Variants in ARMC8 observed in about 807,000 individuals in gnomAD.
The protein encoded by ARMC8 is armadillo repeat containing 8, also known as armadillo repeat-containing protein 8.
A neutral mutation model predicts 99.3 loss-of-function variants in ARMC8; 20 were observed. The observed-to-expected ratio is 0.20, with a 90% CI of 0.14 to 0.29. The LOEUF is 0.29. ARMC8 is among the 10% of genes least tolerant of loss of function. The pLI is 1.00. For synonymous variants in ARMC8, 263 were observed against 278.3 expected, an observed-to-expected ratio of 0.95 and a Z score of 0.55; for missense variants, 569 against 809.5, an observed-to-expected ratio of 0.70 and a Z score of 3.60.
At chr3:138,235,217 T>TTATC (rs2046266745) in intron 7 of ARMC8, 103 bp downstream of exon 7, 1 of 826,384 alleles carries the variant, frequency 1.2e-6, no homozygotes, top group African/African-American at 1.7e-5. Flanking sequence ...TGATCAAAAG[T>TTATC]AGTATTTTAT....
intron 19 of ARMC8, 128 bp from the exon 20 acceptor site, chr3:138,288,920 A>G: frequency 1.5e-6 from 1 of 685,998 alleles, no homozygotes; most frequent in South Asian, 1.9e-5. Flanking sequence ...TACAGGCATG[A>G]GCCACCTCAC....
chr3:138,284,369 G>A, intron 18 of ARMC8, 62 bp from the exon 19 acceptor site: 3 of 1,324,678 alleles, frequency 2.3e-6, no homozygotes, highest in South Asian at 1.2e-5. Flanking sequence ...CCAAGCTCTT[G>A]AGACAGCTTG....
intron 1 of ARMC8, chr3:138,188,269 C>T: frequency 5.4e-6 from 4 of 736,214 alleles, no homozygotes; most frequent in Non-Finnish European, 8.1e-6. Flanking sequence ...GCCTGGTATT[C>T]CGTTTTTCTT....
chr3:138,196,261 G>T (rs771302928), intron 1 of ARMC8, among the ~76,000 whole-genome samples: 2 of 152,074 alleles, frequency 1.3e-5, no homozygotes, highest in African/African-American at 4.8e-5. Context: ...CTTCTGAGAC[G>T]GTGAGAATTA....
intron 1 of ARMC8, among the ~76,000 whole-genome samples, chr3:138,194,744 G>A (rs1303074938): frequency 1.3e-5 from 2 of 150,910 alleles, no homozygotes; most frequent in Admixed American, 6.6e-5. Flanking sequence ...TAAGCATATT[G>A]TTGGCCTTGC....
At chr3:138,251,513 C>G (rs1576769528) in intron 12 of ARMC8, among the ~76,000 whole-genome samples, 2 of 152,170 alleles carry the variant, frequency 1.3e-5, no homozygotes, top group African/African-American at 4.8e-5. Context: ...TTTCATAATT[C>G]CTTGCCTCAA....
intron 20 of ARMC8, among the ~76,000 whole-genome samples, chr3:138,289,977 C>G (rs2050785065): frequency 6.6e-6 from 1 of 152,138 alleles, no homozygotes. Flanking sequence ...GCCCACAGAC[C>G]TAGATACCAC....
At chr3:138,292,133 G>C (rs866495506) in intron 21 of ARMC8, among the ~76,000 whole-genome samples, 3 of 152,146 alleles carry the variant, frequency 2.0e-5, no homozygotes, top group Admixed American at 2.0e-4. Flanking sequence ...TGCCTCCTGA[G>C]TTCAAGTGAT....
chr3:138,276,064 C>G (rs1257442768), intron 18 of ARMC8, among the ~76,000 whole-genome samples: 1 of 152,034 alleles, frequency 6.6e-6, no homozygotes, highest in Non-Finnish European at 1.5e-5. Flanking sequence ...AAAAGCGAAG[C>G]AAGACAGAAA....
chr3:138,200,904 CTTTTTTT>C (rs34087212), intron 1 of ARMC8, among the ~76,000 whole-genome samples: 14 of 63,348 alleles, frequency 2.2e-4, no homozygotes, highest in East Asian at 1.2e-3. Context: ...CTTCAGTGGG[CTTTTTTT>C]TTTTTTTTTT....
intron 5 of ARMC8, among the ~76,000 whole-genome samples, chr3:138,228,171 G>A (rs1576680236): frequency 6.6e-6 from 1 of 152,180 alleles, no homozygotes. Context: ...GTAGAGACGG[G>A]GTTTCGCCAT....
intron 12 of ARMC8, among the ~76,000 whole-genome samples, chr3:138,260,236 A>T (rs185825450): frequency 6.6e-6 from 1 of 152,076 alleles, no homozygotes. Context: ...GCCTCTCCTC[A>T]CCCGCCTTCT....
At position 138,275,422 on chromosome 3, in the gene ARMC8, G is replaced by A. The variant is rs1266906835; in HGVS notation, c.1725+878G>A. Among the ~76,000 whole-genome samples, 7 of 152,166 alleles carry A rather than the reference G, an allele frequency of 4.6e-5. No homozygotes were observed. In the South Asian group the frequency reaches 6.2e-4, roughly 14 times the overall value. ...AAAATACAAAAAATTAGCCAGGCGC[G>A]GTGGCGGGTGCCTGTAGTCCCAACT... On this transcript the variant is annotated intron_variant, in intron 18 of 21. Transcript: ENST00000469044.
At chr3:138,222,156 G>GA (rs1176741786) in intron 3 of ARMC8, among the ~76,000 whole-genome samples, 159 bp downstream of exon 3, 4 of 151,954 alleles carry the variant, frequency 2.6e-5, no homozygotes, top group Non-Finnish European at 4.4e-5. Flanking sequence ...TATCTTTAAG[G>GA]AAAAAAATTA....
chr3:138,238,073 T>G (rs2108158629), intron 9 of ARMC8: 1 of 151,452 alleles, frequency 6.6e-6, no homozygotes, highest in South Asian at 2.1e-4. Context: ...AAAGGTTTTT[T>G]TTTTTTTTTT....
chr3:138,192,412 G>A (rs1016335352), intron 1 of ARMC8, among the ~76,000 whole-genome samples: 21 of 151,378 alleles, frequency 1.4e-4, no homozygotes, highest in Non-Finnish European at 1.9e-4. Flanking sequence ...TCAGTAGCTG[G>A]GACTACAGGT....
At chr3:138,258,031 A>G (rs919658430) in intron 12 of ARMC8, among the ~76,000 whole-genome samples, 9 of 152,198 alleles carry the variant, frequency 5.9e-5, no homozygotes, top group Non-Finnish European at 8.8e-5. Context: ...CTCATAATCC[A>G]TTAAAACTTT....
intron 10 of ARMC8, among the ~76,000 whole-genome samples, chr3:138,240,007 C>T (rs1428059557): frequency 6.6e-6 from 1 of 152,128 alleles, no homozygotes; most frequent in Non-Finnish European, 1.5e-5. Flanking sequence ...TCATATACAA[C>T]TTGAATTTAG....
intron 12 of ARMC8, among the ~76,000 whole-genome samples, chr3:138,248,707 T>TTGGG (rs1209594978): frequency 1.3e-5 from 2 of 152,162 alleles, no homozygotes; most frequent in South Asian, 4.1e-4. Flanking sequence ...AAGTTGGAAG[T>TTGGG]TGAAAAAGGA....
Sources: allele counts gnomAD v4.1 joint callset (sites outside exome capture counted in the v4.1 genomes callset), GRCh38; gene constraint gnomAD v4.1.1; transcripts MANE v1.5; gene names NCBI Gene and HGNC (gene_info 2026-07-23, HGNC 2026-07-21).